Variants in ULK4 observed in about 807,000 individuals in gnomAD.
ULK4 encodes the protein unc-51 like kinase 4, also known as inactive serine/threonine-protein kinase ULK4.
ULK4 carries 133 observed loss-of-function variants against 160.6 expected under a neutral mutation model. The observed-to-expected ratio is 0.83, with a 90% CI of 0.72 to 0.96. The LOEUF (loss-of-function observed/expected upper bound fraction) is 0.96, where lower values mean the gene tolerates loss of function less well. Ranked by LOEUF, ULK4 falls within the 40% of genes least tolerant of loss-of-function variation. ULK4 has a pLI of 0.00. For synonymous variants in ULK4, 534 were observed against 539.8 expected (o/e 0.99, Z 0.15); for missense variants, 1,580 against 1,499.5 (o/e 1.05, Z -0.89).
intron 17 of ULK4, among the ~76,000 whole-genome samples, chr3:41,836,339 A>C (rs1338000844): frequency 6.6e-6 from 1 of 152,040 alleles, no homozygotes; most frequent in Non-Finnish European, 1.5e-5. Flanking sequence ...AGTCCGGCTA[A>C]TTTTTGTATT....
At chr3:41,333,803 G>A (rs938493662) in intron 35 of ULK4, among the ~76,000 whole-genome samples, 4 of 152,064 alleles carry the variant, frequency 2.6e-5, no homozygotes, top group African/African-American at 9.7e-5. Flanking sequence ...GGAACATTAA[G>A]AATTCAGAAT....
intron 17 of ULK4, among the ~76,000 whole-genome samples, chr3:41,848,626 T>C (rs928963709): frequency 3.3e-5 from 5 of 152,168 alleles, no homozygotes; most frequent in African/African-American, 9.7e-5. Context: ...TGCTCAGGAA[T>C]CTGAATCTGG....
intron 21 of ULK4, among the ~76,000 whole-genome samples, chr3:41,759,562 AT>A (rs1210802219): frequency 6.6e-6 from 1 of 152,172 alleles, no homozygotes; most frequent in Non-Finnish European, 1.5e-5. Context: ...TTCTCCCCAA[AT>A]TGACCTATAG....
intron 35 of ULK4, among the ~76,000 whole-genome samples, chr3:41,306,138 G>A (rs112804881): frequency 1.9e-5 from 2 of 105,944 alleles, no homozygotes; most frequent in Non-Finnish European, 3.8e-5. Flanking sequence ...TGGGGGGGGG[G>A]GGTCAGCCCC....
rs565207670 is a variant in ULK4 at position 41,429,094 on chromosome 3, T to TA, written c.3492+26402dup. Among the ~76,000 whole-genome samples, 155 of 150,166 alleles carry TA rather than the reference T, an allele frequency of 1.0e-3. No individual in the cohort carries two copies. In the South Asian group the frequency reaches 0.032, roughly 31 times the overall value. On this transcript the variant is annotated intron_variant, in intron 34 of 36. Coordinates refer to ENST00000301831, the MANE Select transcript of ULK4 (RefSeq NM_017886.4). ...CTCATTAAAAAGCAGGGAAAAAACATAAACAGACACTTCTCAAAAGACGAC... is the reference window on the plus strand; with the variant it reads ...CTCATTAAAAAGCAGGGAAAAAACATAAAACAGACACTTCTCAAAAGACGAC...
In ULK4 at chr3:41,482,505, C is replaced by T. The variant is rs559825748; in HGVS notation, c.3227-19252G>A. Among the ~76,000 whole-genome samples the T allele has an allele frequency of 7.2e-5, 11 of 152,260 alleles. No homozygotes were observed. The South Asian group carries it at 2.3e-3, about 32-fold the overall frequency. ...CCCTCAGTTCCAGATGTACCTGGGA[C>T]ATAAAAATAGTTCTTGCCTAAATGA... On this transcript the variant is annotated intron_variant, in intron 32 of 36. Transcript: ENST00000301831.
At chr3:41,564,076 C>T (rs929309769) in intron 32 of ULK4, among the ~76,000 whole-genome samples, 1 of 150,746 alleles carries the variant, frequency 6.6e-6, no homozygotes, top group Non-Finnish European at 1.5e-5. Flanking sequence ...GATGTTGATG[C>T]TATTCCTTTC....
At chr3:41,438,098 T>A (rs1372441276) in intron 34 of ULK4, among the ~76,000 whole-genome samples, 1 of 138,272 alleles carries the variant, frequency 7.2e-6, no homozygotes, top group Non-Finnish European at 1.5e-5. Context: ...TTAAAATACA[T>A]GTTTATTGTT....
At chr3:41,438,431 G>A (rs1162902993) in intron 34 of ULK4, among the ~76,000 whole-genome samples, 1 of 152,100 alleles carries the variant, frequency 6.6e-6, no homozygotes, top group East Asian at 1.9e-4. Flanking sequence ...TCAGGATGGT[G>A]CGTGAGTTCA....
At chr3:41,669,243 T>C (rs1190229455) in intron 29 of ULK4, among the ~76,000 whole-genome samples, 1 of 152,174 alleles carries the variant, frequency 6.6e-6, no homozygotes, top group Non-Finnish European at 1.5e-5. Flanking sequence ...AAAATGCATA[T>C]AATTTTAAGG....
rs75836993 is a variant in ULK4 at position 41,438,753 on chromosome 3, G to C, written c.3492+16744C>G. ...GAGGTGGGAGGATCACTTGAGCTCA[G>C]GAGTTCGAGGCTGCCATGAGCTGTG... On this transcript the variant is annotated intron_variant, in intron 34 of 36. Transcript: ENST00000301831. Among the ~76,000 whole-genome samples, 711 of 152,174 alleles carry C rather than the reference G, an allele frequency of 4.7e-3. 5 individuals carry two copies. The highest frequency in any genetic ancestry group is 8.0e-3 in the Non-Finnish European group (544 of 67,982).
chr3:41,862,787 G>GCT (rs1327644059), intron 17 of ULK4, among the ~76,000 whole-genome samples: 1 of 106,816 alleles, frequency 9.4e-6, no homozygotes, highest in Non-Finnish European at 1.7e-5. Context: ...CTCTCTCTCC[G>GCT]CTCCCCCCCC....
chr3:41,595,314 A>C (rs573162618), intron 31 of ULK4, among the ~76,000 whole-genome samples: 1 of 152,140 alleles, frequency 6.6e-6, no homozygotes. Flanking sequence ...GCCGCGGTCA[A>C]CTTCTGGCAG....
intron 27 of ULK4, among the ~76,000 whole-genome samples, chr3:41,703,977 G>A (rs2036776091): frequency 6.6e-6 from 1 of 152,056 alleles, no homozygotes; most frequent in African/African-American, 2.4e-5. Context: ...GACCATGAAG[G>A]TGTCAAAATC....
chr3:41,940,245 CCA>C (rs977016894), intron 2 of ULK4, among the ~76,000 whole-genome samples: 3 of 152,070 alleles, frequency 2.0e-5, no homozygotes, highest in Admixed American at 2.0e-4. Context: ...GTCTGTTTTC[CCA>C]CACATTGCTA....
At chr3:41,405,807 TTAA>T (rs771840150) in intron 34 of ULK4, among the ~76,000 whole-genome samples, 1 of 145,114 alleles carries the variant, frequency 6.9e-6, no homozygotes, top group Non-Finnish European at 1.5e-5. Flanking sequence ...TGCCCATTTT[TTAA>T]TGAGTTTTTT....
At chr3:41,470,033 A>AAAAAAC (rs2083942168) in intron 32 of ULK4, among the ~76,000 whole-genome samples, 1 of 146,204 alleles carries the variant, frequency 6.8e-6, no homozygotes, top group Admixed American at 6.8e-5. Flanking sequence ...AAAAAAAAAA[A>AAAAAAC]AAAAAAAAAA....
chr3:41,575,891 G>A (rs1020112981), intron 31 of ULK4, among the ~76,000 whole-genome samples: 5 of 152,212 alleles, frequency 3.3e-5, no homozygotes, highest in Non-Finnish European at 5.9e-5. Context: ...GGCTCTCAAT[G>A]TGGCCCTATG....
intron 34 of ULK4, among the ~76,000 whole-genome samples, chr3:41,442,508 C>T (rs1435388078): frequency 6.6e-6 from 1 of 152,094 alleles, no homozygotes; most frequent in Admixed American, 6.5e-5. Flanking sequence ...AATGACCATG[C>T]AAAGTTAAAA....
Sources: gnomAD v4.1 joint callset for allele counts (sites outside exome capture counted in the v4.1 genomes callset) on GRCh38, gnomAD v4.1.1 for gene constraint, MANE v1.5 for transcripts, NCBI Gene and HGNC (gene_info 2026-07-23, HGNC 2026-07-21) for gene names.